RFX2: variants seen among roughly 807,000 people sequenced by gnomAD.
The protein encoded by RFX2 is regulatory factor X2, also known as DNA-binding protein RFX2.
In RFX2, 20 loss-of-function variants were observed where a neutral mutation model predicts 87.8. That is an observed-to-expected ratio of 0.23 (90% CI 0.16 to 0.33). RFX2 has a LOEUF of 0.33. RFX2 is among the 10% of genes least tolerant of loss of function. The probability of loss-of-function intolerance (pLI) is 1.00; values close to 1 mark genes in which losing one functional copy is unlikely to be tolerated. For missense variants in RFX2, 767 were observed against 1,012.3 expected, an observed-to-expected ratio of 0.76 and a Z score of 3.29; for synonymous variants, 397 against 431.3, an observed-to-expected ratio of 0.92 and a Z score of 0.98.
chr19:6,008,255 G>A (rs1486386943), intron 9 of RFX2, 31 bp from the exon 10 acceptor site: 1 of 1,449,348 alleles, frequency 6.9e-7, no homozygotes, highest in East Asian at 2.4e-5. Context: ...CATCAGAAAT[G>A]GCGAGGCTCT....
chr19:6,030,978 C>G (rs1490816608), intron 5 of RFX2, among the ~76,000 whole-genome samples: 7 of 152,156 alleles, frequency 4.6e-5, no homozygotes, highest in African/African-American at 1.7e-4. Context: ...CCAACCTCAT[C>G]AGAAAAGTCA....
chr19:6,107,616 C>CA (rs1156483792), intron 1 of RFX2, among the ~76,000 whole-genome samples: 2,180 of 31,432 alleles, frequency 0.069, 374 homozygotes, highest in African/African-American at 0.11. Flanking sequence ...GACCCTGTCT[C>CA]AAAAAAAAAA....
At chr19:6,067,435 C>T (rs910065496) in intron 1 of RFX2, among the ~76,000 whole-genome samples, 10 of 152,176 alleles carry the variant, frequency 6.6e-5, no homozygotes, top group African/African-American at 2.4e-4. Flanking sequence ...TCCCTCCCTA[C>T]CCGGAGAGAG....
chr19:6,065,601 G>A (rs2087498686), intron 1 of RFX2, among the ~76,000 whole-genome samples: 1 of 152,154 alleles, frequency 6.6e-6, no homozygotes, highest in South Asian at 2.1e-4. Flanking sequence ...GCGACAGAAC[G>A]AGACTCTGTC....
chr19:6,001,958 C>T lies in RFX2; in HGVS notation c.1716G>A (p.Lys572=). ...SVVQRLEQDF[K]LTLQQQSSLD... ...GGGAGCTCTGCTGCTGCAGGGTCAG[C>T]TTGAAATCCTGCTCCAGCCGCTGCA... Residue 572 remains lysine (K), a synonymous_variant, in exon 15 of 18, where the codon AAG becomes AAA. Transcript: ENST00000303657. This position sits in a 1 kb window ranked among gnomAD's most constrained non-coding sequence, Gnocchi z 5.6. 6.2e-7 allele frequency: 1 copy of T among 1,612,524 alleles called. No homozygotes were observed. Among genetic ancestry groups the T allele is most frequent in the Non-Finnish European group, 8.5e-7 (1 of 1,179,986 alleles).
rs556291890 is a variant in RFX2, at chr19:6,061,065, C to T, written c.-8-13561G>A. On this transcript the variant is annotated intron_variant, in intron 1 of 17. Transcript: ENST00000303657. This position sits in a 1 kb window ranked among gnomAD's most constrained non-coding sequence, Gnocchi z 5.2. ...GTTCAAGGCACTGGGCATCTCCCTG[C>T]GCCCCGGGACACGTGTCGCTGGTGA... 4.3e-4 allele frequency among the ~76,000 whole-genome samples: 66 copies of T among 152,288 alleles called. No individual in the cohort carries two copies. Among genetic ancestry groups the T allele is most frequent in the African/African-American group, 1.4e-3 (60 of 41,562 alleles).
intron 4 of RFX2, among the ~76,000 whole-genome samples, chr19:6,041,661 T>C (rs551876379): frequency 6.6e-6 from 1 of 151,802 alleles, no homozygotes; most frequent in South Asian, 2.1e-4. Flanking sequence ...TACAAAAGTC[T>C]GTGATTTCTG....
chr19:6,091,509 G>A (rs961313524), intron 1 of RFX2, among the ~76,000 whole-genome samples: 2 of 151,704 alleles, frequency 1.3e-5, no homozygotes, highest in African/African-American at 4.8e-5. Context: ...AGAAGATGAC[G>A]CTGAGTGCTG....
chr19:6,085,779 A>G (rs1177805474), intron 1 of RFX2, among the ~76,000 whole-genome samples: 1 of 152,086 alleles, frequency 6.6e-6, no homozygotes, highest in Non-Finnish European at 1.5e-5. Flanking sequence ...TTTTGAGTTA[A>G]TTTTTGTGTA....
intron 1 of RFX2, among the ~76,000 whole-genome samples, chr19:6,100,396 G>A (rs2088100519): frequency 6.6e-6 from 1 of 152,218 alleles, no homozygotes; most frequent in Non-Finnish European, 1.5e-5. Context: ...AGAAGAGGAA[G>A]AGATCAGTAA....
intron 1 of RFX2, among the ~76,000 whole-genome samples, chr19:6,079,027 C>T (rs781106073): frequency 1.2e-4 from 19 of 152,356 alleles, no homozygotes; most frequent in Middle Eastern, 3.4e-3. Flanking sequence ...CCACCTGCCT[C>T]GGCCTCCCAA....
intron 1 of RFX2, among the ~76,000 whole-genome samples, chr19:6,108,875 T>C (rs1320563337): frequency 1.3e-5 from 2 of 150,964 alleles, no homozygotes; most frequent in African/African-American, 4.9e-5. Flanking sequence ...AAATAGCCAC[T>C]AGGATCGGGA....
chr19:6,031,204 T>C (rs2086948625), intron 5 of RFX2, among the ~76,000 whole-genome samples: 1 of 152,134 alleles, frequency 6.6e-6, no homozygotes, highest in Non-Finnish European at 1.5e-5. Flanking sequence ...AATGGAGTTT[T>C]AGGAAAACCA....
intron 1 of RFX2, among the ~76,000 whole-genome samples, chr19:6,104,852 G>T (rs192677622): frequency 1.3e-5 from 2 of 152,226 alleles, no homozygotes; most frequent in Non-Finnish European, 2.9e-5. Context: ...TAATAAAACA[G>T]CTCATGCCTG....
rs8113431 is a variant in RFX2 at position 6,047,399 on chromosome 19, C to T, written c.90+8G>A. 8,222 of 1,601,594 alleles carry T rather than the reference C, an allele frequency of 5.1e-3. 366 individuals carry two copies. The African/African-American group carries it at 0.096, about 19-fold the overall frequency. On this transcript the variant is annotated splice_region_variant and intron_variant, in intron 2 of 17. Coordinates refer to ENST00000303657, the MANE Select transcript of RFX2 (RefSeq NM_000635.4). This position sits in a 1 kb window ranked among gnomAD's most constrained non-coding sequence, Gnocchi z 4.2. The stretch of plus-strand genomic sequence containing the variant: ...GCCACCCTGTTGTTGCTGAGAGGCG[C>T]GCGTTACCTGCGGGGAGGCTGGCAC...
rs1259749635 is a variant in RFX2 at position 6,007,918 on chromosome 19, G to A, written c.1135-116C>T. The A allele has an allele frequency of 2.4e-6, 2 of 840,892 alleles. No homozygotes were observed. The highest frequency in any genetic ancestry group is 5.3e-5 in the East Asian group (2 of 37,430). The allele number at this position is 840,892 out of a possible 1,614,324, so 52.1% of individuals were successfully genotyped here. On this transcript the variant is annotated intron_variant, in intron 10 of 17. Transcript: ENST00000303657. The surrounding 1 kb of genome is among the most constrained non-coding windows in gnomAD (Gnocchi z 8.2). ...ACAGCGGGGTGCCCTGGAATCCCAA[G>A]GGAGGCCACAGAGAGGAGAGGAGCA...
chr19:6,109,193 G>T (rs1379937671), intron 1 of RFX2: 1 of 151,668 alleles, frequency 6.6e-6, no homozygotes, highest in Non-Finnish European at 1.5e-5. Context: ...AGTTTCACTC[G>T]CGTTGGTGAA....
rs1402623852 is a variant in RFX2 at position 6,004,325 on chromosome 19, C to G, written c.1403-27G>C. The G allele has an allele frequency of 3.8e-6, 6 of 1,583,954 alleles. No individual in the cohort carries two copies. The highest frequency in any genetic ancestry group is 5.2e-6 in the Non-Finnish European group (6 of 1,152,662). ...TGGGGGATACAGACCATGATATTAC[C>G]AGGGAGAAAGGCAGTGACTGGACCC... On this transcript the variant is annotated intron_variant, in intron 12 of 17. Transcript: ENST00000303657. This position sits in a 1 kb window ranked among gnomAD's most constrained non-coding sequence, Gnocchi z 4.8.
chr19:6,086,993 TC>T (rs1489894117), intron 1 of RFX2, among the ~76,000 whole-genome samples: 1 of 148,044 alleles, frequency 6.8e-6, no homozygotes, highest in Non-Finnish European at 1.5e-5. Flanking sequence ...CAGCAGTATG[TC>T]TTTTTTTTTT....
Sources: gnomAD v4.1 joint callset for allele counts (sites outside exome capture counted in the v4.1 genomes callset) on GRCh38, gnomAD v4.1.1 for gene constraint, Gnocchi (gnomAD v3.1) non-coding constraint, MANE v1.5 for transcripts, NCBI Gene and HGNC (gene_info 2026-07-23, HGNC 2026-07-21) for gene names.